ADK: variants seen among roughly 807,000 people sequenced by gnomAD.
ADK encodes N6,N6-dimethyladenosine kinase.
In ADK, 24 loss-of-function variants were observed where a neutral mutation model predicts 44.7. The observed-to-expected ratio is 0.54, with a 90% confidence interval of 0.39 to 0.76. ADK has a LOEUF of 0.76. Among genes scored for constraint, ADK ranks in the 30% least tolerant of loss-of-function variants. ADK has a pLI of 0.00. For missense variants in ADK, 321 were observed against 425.1 expected, an observed-to-expected ratio of 0.76 and a Z score of 2.15; for synonymous variants, 128 against 142.6, an observed-to-expected ratio of 0.90 and a Z score of 0.73.
At chr10:74,344,367 A>G (rs1191245093) in intron 4 of ADK, among the ~76,000 whole-genome samples, 1 of 152,176 alleles carries the variant, frequency 6.6e-6, no homozygotes, top group Non-Finnish European at 1.5e-5. Context: ...GAACAATAAG[A>G]CCTTCTATTC....
chr10:74,421,004 G>A (rs1352438448), intron 6 of ADK, among the ~76,000 whole-genome samples: 1 of 152,122 alleles, frequency 6.6e-6, no homozygotes, highest in African/African-American at 2.4e-5. Context: ...AAAGCCCAAA[G>A]AACTGTACAT....
chr10:74,179,635 T>A (rs1308265644), intron 1 of ADK, among the ~76,000 whole-genome samples: 1 of 152,158 alleles, frequency 6.6e-6, no homozygotes, highest in Non-Finnish European at 1.5e-5. Flanking sequence ...TTACCCTATA[T>A]AGTCTAAAAA....
At chr10:74,691,762 C>A (rs56400246) in intron 10 of ADK, among the ~76,000 whole-genome samples, 48 of 152,148 alleles carry the variant, frequency 3.2e-4, no homozygotes, top group Middle Eastern at 3.4e-3. Flanking sequence ...TAAACAGTTC[C>A]TTTTATTTGG....
intron 6 of ADK, among the ~76,000 whole-genome samples, chr10:74,507,046 T>G (rs939712245): frequency 6.6e-6 from 1 of 152,228 alleles, no homozygotes; most frequent in African/African-American, 2.4e-5. Flanking sequence ...TTTTAAAAAC[T>G]TTTTTCAATT....
intron 1 of ADK, among the ~76,000 whole-genome samples, chr10:74,157,604 C>T (rs143023140): frequency 0.013 from 1,952 of 151,424 alleles, 49 homozygotes; most frequent in African/African-American, 0.045. Context: ...ATGAGCTGGG[C>T]GTGATGGCTC....
At chr10:74,298,137 G>A (rs567561065) in intron 3 of ADK, among the ~76,000 whole-genome samples, 15 of 152,126 alleles carry the variant, frequency 9.9e-5, no homozygotes, top group Non-Finnish European at 2.2e-4. Flanking sequence ...AATATATATT[G>A]CCATTACCAG....
In ADK at chr10:74,303,359, A is replaced by G. The variant is rs1840125414; in HGVS notation, c.195-11308A>G. ...TATAGTTCCCCCATTTAAGAAAGAA[A>G]CCTGTTTCTATTCAATAGGATTAAA... is the stretch of plus-strand genomic sequence containing the variant. On this transcript the variant is annotated intron_variant, in intron 3 of 10. Transcript: ENST00000539909. 2.0e-5 allele frequency among the ~76,000 whole-genome samples: 3 copies of G among 152,184 alleles called. No individual in the cohort carries two copies. The South Asian group carries it at 6.2e-4, about 32-fold the overall frequency.
intron 7 of ADK, among the ~76,000 whole-genome samples, chr10:74,567,043 C>A (rs567639522): frequency 1.3e-5 from 2 of 152,208 alleles, no homozygotes; most frequent in African/African-American, 4.8e-5. Context: ...TTTTTAAAAA[C>A]AGTTTGTATC....
At chr10:74,371,454 G>T in intron 4 of ADK, 1 of 629,122 alleles carries the variant, frequency 1.6e-6, no homozygotes, top group Non-Finnish European at 2.8e-6. Context: ...AGTAATAAAT[G>T]GCTTTTCACA....
chr10:74,259,027 T>C (rs868842420), intron 3 of ADK, among the ~76,000 whole-genome samples: 1 of 144,334 alleles, frequency 6.9e-6, no homozygotes, highest in Admixed American at 7.1e-5. Flanking sequence ...TCTCGGCTCA[T>C]TGCAACCTCT....
At chr10:74,586,118 A>G (rs141925636) in intron 7 of ADK, among the ~76,000 whole-genome samples, 486 of 152,280 alleles carry the variant, frequency 3.2e-3, no homozygotes, top group Admixed American at 5.0e-3. Context: ...TTTTGCTGAC[A>G]GGGAAAAATA....
At position 74,551,600 on chromosome 10, in the gene ADK, A is replaced by G. The variant is rs1850037175; in HGVS notation, c.726+26174A>G. ...AGGCAAAATATAAAGTGGGCTTAAGAATTATGAGAAGTTCAGCACAGAGGA... is the reference window on the plus strand; with the variant it reads ...AGGCAAAATATAAAGTGGGCTTAAGGATTATGAGAAGTTCAGCACAGAGGA... On this transcript the variant is annotated intron_variant, in intron 7 of 10. Transcript: ENST00000539909. 3.3e-5 allele frequency: 5 copies of G among 152,230 alleles called. No individual in the cohort carries two copies. In the South Asian group the frequency reaches 1.0e-3, roughly 31 times the overall value. The allele number at this position is 152,230 out of a possible 1,614,324, so 9.4% of individuals were successfully genotyped here.
chr10:74,423,705 G>T, intron 6 of ADK: 1 of 444,520 alleles, frequency 2.2e-6, no homozygotes. Flanking sequence ...TGTTGGGGCT[G>T]GCCTGCCTCT....
intron 3 of ADK, among the ~76,000 whole-genome samples, chr10:74,283,386 C>T (rs1008192505): frequency 1.3e-4 from 19 of 151,464 alleles, no homozygotes; most frequent in African/African-American, 4.1e-4. Flanking sequence ...GTGGCATGCT[C>T]GGTTATTTCA....
At chr10:74,377,880 A>T (rs1363104955) in intron 4 of ADK, among the ~76,000 whole-genome samples, 4 of 152,192 alleles carry the variant, frequency 2.6e-5, no homozygotes, top group Admixed American at 2.6e-4. Flanking sequence ...GCCCACAGAC[A>T]TCTGTTCAGT....
chr10:74,565,579 T>C (rs1850633522), intron 7 of ADK, among the ~76,000 whole-genome samples: 1 of 151,908 alleles, frequency 6.6e-6, no homozygotes, highest in Non-Finnish European at 1.5e-5. Context: ...AATACAAAAT[T>C]AGCTGGGCAT....
At chr10:74,418,431 A>G (rs1844446829) in intron 6 of ADK, among the ~76,000 whole-genome samples, 2 of 152,166 alleles carry the variant, frequency 1.3e-5, no homozygotes, top group South Asian at 4.1e-4. Context: ...CCAGGCGGCA[A>G]CAGCAGTGCC....
chr10:74,524,169 A>G (rs941487600), intron 6 of ADK, among the ~76,000 whole-genome samples: 1 of 152,234 alleles, frequency 6.6e-6, no homozygotes, highest in Non-Finnish European at 1.5e-5. Flanking sequence ...AAGCATGAAT[A>G]TGTTTTAATA....
At chr10:74,423,743 G>A in intron 6 of ADK, 3 of 429,612 alleles carry the variant, frequency 7.0e-6, no homozygotes, top group South Asian at 1.9e-5. Flanking sequence ...TTCTTGGCTG[G>A]TGCAAATGTA....
Sources: allele counts gnomAD v4.1 joint callset (sites outside exome capture counted in the v4.1 genomes callset), GRCh38; gene constraint gnomAD v4.1.1; transcripts MANE v1.5; gene names NCBI Gene and HGNC (gene_info 2026-07-23, HGNC 2026-07-21).